Variants in CCNK observed in about 807,000 individuals in gnomAD.
CCNK encodes the protein cyclin K, also known as cyclin-K.
Under a neutral mutation model 65.0 loss-of-function variants are expected in CCNK, and 9 were observed. That is an observed-to-expected ratio of 0.14 (90% confidence interval 0.08 to 0.24). The LOEUF is 0.24. CCNK is among the 10% of genes least tolerant of loss of function. The probability of loss-of-function intolerance (pLI) is 1.00; values close to 1 mark genes in which losing one functional copy is unlikely to be tolerated. For missense variants in CCNK, 474 were observed against 720.0 expected (o/e 0.66, Z 3.91); for synonymous variants, 279 against 270.8 (o/e 1.03, Z -0.30).
intron 1 of CCNK, among the ~76,000 whole-genome samples, chr14:99,482,752 T>C (rs1316139698): frequency 6.6e-6 from 1 of 152,244 alleles, no homozygotes; most frequent in Non-Finnish European, 1.5e-5. Context: ...GGTTCTTAAA[T>C]TTTAAATGCT....
intron 1 of CCNK, among the ~76,000 whole-genome samples, chr14:99,482,064 C>G (rs944017973): frequency 3.3e-5 from 5 of 152,176 alleles, no homozygotes; most frequent in African/African-American, 1.2e-4. Flanking sequence ...AGAAATTGTT[C>G]TTTAGAAAAT....
At chr14:99,506,424 G>C (rs1216034047) in intron 9 of CCNK, 2 of 152,632 alleles carry the variant, frequency 1.3e-5, no homozygotes, top group East Asian at 3.8e-4. Flanking sequence ...TGTCATTGTG[G>C]ATTCTGGCTG....
rs562360185 is a variant in CCNK at position 99,509,791 on chromosome 14, T to G, written c.1118-366T>G. 1.9e-3 allele frequency: 587 copies of G among 307,710 alleles called. 2 individuals are homozygous for G. Among genetic ancestry groups the G allele is most frequent in the Non-Finnish European group, 3.2e-3 (533 of 165,628 alleles). 19.1% of individuals were successfully genotyped at this position (307,710 alleles called of 1,614,324 possible). ...AGGAGTTCAGTGTGGCCCTGACCCC[T>G]GGGGTCAGTTTCTGAAGGCAGAAAA... On this transcript the variant is annotated intron_variant, in intron 10 of 10. Transcript: ENST00000389879.
chr14:99,500,211 C>G (rs532253212), intron 4 of CCNK: 1 of 152,354 alleles, frequency 6.6e-6, no homozygotes, highest in South Asian at 2.1e-4. Context: ...TGATTTATTT[C>G]AAATAAATGA....
intron 4 of CCNK, among the ~76,000 whole-genome samples, chr14:99,499,727 G>T (rs773214980): frequency 2.6e-5 from 4 of 152,190 alleles, no homozygotes; most frequent in African/African-American, 9.7e-5. Context: ...TTCCATTAAC[G>T]ATAGCAACAG....
rs149437057 is a variant in CCNK at position 99,481,440 on chromosome 14, C to T, written c.-92C>T. 533 of 398,712 alleles carry T rather than the reference C, an allele frequency of 1.3e-3. 7 individuals are homozygous for T. In the East Asian group the frequency reaches 0.018, roughly 14 times the overall value. The allele number at this position is 398,712 out of a possible 1,614,324, so 24.7% of individuals were successfully genotyped here. A position where few individuals can be genotyped will look rare whatever the true frequency, so the allele number is the denominator to read the frequency against. ...CCATATACAAGATGGCCGCAGTCGG[C>T]AAGGAGAGACGTCGCTGAGGGGCTT... is the stretch of plus-strand genomic sequence containing the variant. On this transcript the variant is annotated 5_prime_UTR_variant, in exon 1 of 11. Transcript: ENST00000389879.
intron 4 of CCNK, among the ~76,000 whole-genome samples, chr14:99,497,928 C>T (rs893713958): frequency 2.0e-5 from 3 of 152,186 alleles, no homozygotes; most frequent in Non-Finnish European, 4.4e-5. Context: ...GAAATAATTT[C>T]ACCATCAGAT....
chr14:99,500,114 G>C (rs1896787409), intron 4 of CCNK: 1 of 152,318 alleles, frequency 6.6e-6, no homozygotes, highest in African/African-American at 2.4e-5. Context: ...TGTGTAGGCA[G>C]ACATACACAC....
chr14:99,499,664 T>C (rs1177075662), intron 4 of CCNK, among the ~76,000 whole-genome samples: 2 of 152,202 alleles, frequency 1.3e-5, no homozygotes, highest in Non-Finnish European at 2.9e-5. Flanking sequence ...TACAGTCGGC[T>C]GTACAGGGGC....
At chr14:99,509,922 C>T in intron 10 of CCNK, 1 of 589,442 alleles carries the variant, frequency 1.7e-6, no homozygotes, top group Non-Finnish European at 3.0e-6. Flanking sequence ...GTGGTCAGGG[C>T]TGAGGGAGGG....
At chr14:99,509,780 G>C (rs1897073301) in intron 10 of CCNK, 1 of 289,602 alleles carries the variant, frequency 3.5e-6, no homozygotes, top group African/African-American at 2.2e-5. Context: ...GTTCAGTGTG[G>C]CCCTGACCCC....
intron 1 of CCNK, 142 bp downstream of exon 1, chr14:99,481,621 A>T: frequency 2.6e-6 from 1 of 389,676 alleles, no homozygotes; most frequent in Non-Finnish European, 4.5e-6. Context: ...TCCGGTACAC[A>T]TTGAACTTTG....
In CCNK at chr14:99,510,198, C is replaced by T. The variant is rs1344031784; in HGVS notation, c.1159C>T (p.Pro387Ser). 3 of 1,596,968 alleles carry T rather than the reference C, an allele frequency of 1.9e-6. No individual in the cohort carries two copies. The highest frequency in any genetic ancestry group is 1.1e-5 in the South Asian group (1 of 88,644). Residue 387 changes from proline to serine, a missense_variant, in exon 11 of 11, where the codon CCG (proline) becomes TCG (serine). Around this residue, in one of 6 missense-constraint regions of CCNK, gnomAD observed 229 missense variants for 275.5 expected, o/e 0.83. Coordinates refer to ENST00000389879, the MANE Select transcript of CCNK (RefSeq NM_001099402.2). ...PLAAALGEAE[P>S]PGPVDATDLP... ...CGCTGCTGCCTTAGGTGAGGCTGAG[C>T]CGCCGGGCCCTGTGGATGCCACTGA...
Position 99,493,500 on chromosome 14 carries a change from A to T in CCNK, c.198-14A>T. The T allele has an allele frequency of 6.3e-7, 1 of 1,588,784 alleles. No individual in the cohort carries two copies. Among genetic ancestry groups the T allele is most frequent in the Non-Finnish European group, 8.6e-7 (1 of 1,161,184 alleles). ...GTAAAAGTTATTGGTTAGAGTCCTT[A>T]ACCAGAACAACAGACACTATGATAC... On this transcript the variant is annotated splice_polypyrimidine_tract_variant and intron_variant, in intron 2 of 10. Coordinates refer to ENST00000389879, the MANE Select transcript of CCNK (RefSeq NM_001099402.2).
chr14:99,490,653 C>T (rs539356673), intron 1 of CCNK, among the ~76,000 whole-genome samples: 35 of 152,192 alleles, frequency 2.3e-4, no homozygotes, highest in Middle Eastern at 6.8e-3. Context: ...TCTGGCTGGG[C>T]GCGGTGGCTC....
In CCNK at chr14:99,507,376, A is replaced by C. The variant is rs1239505158; in HGVS notation, c.1117+229A>C. 27 of 527,254 alleles carry C rather than the reference A, an allele frequency of 5.1e-5. No individual in the cohort carries two copies. In the East Asian group the frequency reaches 8.2e-4, roughly 16 times the overall value. The allele number at this position is 527,254 out of a possible 1,614,324, so 32.7% of individuals were successfully genotyped here. On this transcript the variant is annotated intron_variant, in intron 10 of 10. Coordinates refer to ENST00000389879, the MANE Select transcript of CCNK (RefSeq NM_001099402.2). ...AGAATCACCTGACCCCAGGAGTTCG[A>C]GGTCAGCCTGGGCAACAAAGTGAGA...
intron 1 of CCNK, among the ~76,000 whole-genome samples, chr14:99,489,598 A>C (rs1210602813): frequency 1.3e-5 from 2 of 152,218 alleles, no homozygotes; most frequent in Non-Finnish European, 2.9e-5. Flanking sequence ...TGTCCTTAGA[A>C]TATATCTCAC....
chr14:99,497,042 T>TC (rs923205442), intron 4 of CCNK, among the ~76,000 whole-genome samples: 4 of 132,610 alleles, frequency 3.0e-5, no homozygotes, highest in African/African-American at 5.5e-5. Flanking sequence ...ATTTTCAGCA[T>TC]CCCCCCGACC....
At position 99,492,716 on chromosome 14, in the gene CCNK, T is replaced by G; in HGVS notation, c.39T>G (p.Thr13=). The G allele has an allele frequency of 1.2e-6, 2 of 1,611,026 alleles. No individual in the cohort carries two copies. The highest frequency in any genetic ancestry group is 8.5e-7 in the Non-Finnish European group (1 of 1,179,160). Residue 13 remains threonine, a synonymous_variant, in exon 2 of 11, where the codon ACT becomes ACG. Transcript: ENST00000389879. Reference sequence around the variant, plus strand: ...AAGAAAATTCAAGCCCTTCAGTAACTTCAGCAAACCTGGACCACACAAAGC... The same window carrying G: ...AAGAAAATTCAAGCCCTTCAGTAACGTCAGCAAACCTGGACCACACAAAGC... ...ENKENSSPSV[T]SANLDHTKPC...
Sources: gnomAD v4.1 joint callset for allele counts (sites outside exome capture counted in the v4.1 genomes callset) on GRCh38, gnomAD v4.1.1 for gene constraint, gnomAD v4.1.1 regional missense constraint, MANE v1.5 for transcripts, NCBI Gene and HGNC (gene_info 2026-07-23, HGNC 2026-07-21) for gene names.